The following IL20RB variants were observed in gnomAD, a reference collection of about 807,000 sequenced individuals.
The protein encoded by IL20RB is interleukin 20 receptor subunit beta.
IL20RB carries 21 observed loss-of-function variants against 33.3 expected under a neutral mutation model. That is an observed-to-expected ratio of 0.63 (90% confidence interval 0.45 to 0.91). The LOEUF (loss-of-function observed/expected upper bound fraction) is 0.91, where lower values mean the gene tolerates loss of function less well. Among genes scored for constraint, IL20RB ranks in the 40% least tolerant of loss-of-function variants. The pLI, the probability that IL20RB is intolerant of heterozygous loss-of-function variation, is 0.00. For synonymous variants in IL20RB, 147 were observed against 146.8 expected (o/e 1.00, Z -0.01); for missense variants, 345 against 384.8 (o/e 0.90, Z 0.86).
chr3:137,006,774 A>T (rs1577036183), intron 6 of IL20RB, among the ~76,000 whole-genome samples: 1 of 152,152 alleles, frequency 6.6e-6, no homozygotes, highest in African/African-American at 2.4e-5. Flanking sequence ...ACTTCTGTCA[A>T]CTCGTCAAAG....
chr3:136,985,763 A>C (rs1941883931), intron 3 of IL20RB, among the ~76,000 whole-genome samples: 1 of 152,190 alleles, frequency 6.6e-6, no homozygotes, highest in South Asian at 2.1e-4. Flanking sequence ...GTCTGGTTTA[A>C]ATGATCTGCA....
intron 1 of IL20RB, among the ~76,000 whole-genome samples, chr3:136,963,897 T>C (rs1941303558): frequency 1.3e-5 from 1 of 79,230 alleles, no homozygotes; most frequent in Admixed American, 1.4e-4. Flanking sequence ...CCTGTGTCCA[T>C]GTGATCTCAT....
intron 5 of IL20RB, among the ~76,000 whole-genome samples, chr3:136,992,739 T>G (rs1942056980): frequency 6.6e-6 from 1 of 151,920 alleles, no homozygotes; most frequent in African/African-American, 2.4e-5. Context: ...TATAGTATAT[T>G]TATTTATTTA....
chr3:136,986,915 G>C (rs1477464593), intron 3 of IL20RB: 4 of 378,192 alleles, frequency 1.1e-5, no homozygotes, highest in Middle Eastern at 9.3e-4. Flanking sequence ...AGATCTTCAC[G>C]GTGAGTGTTA....
At chr3:136,983,939 C>T (rs1296571991) in intron 3 of IL20RB, among the ~76,000 whole-genome samples, 2 of 152,104 alleles carry the variant, frequency 1.3e-5, no homozygotes, top group Non-Finnish European at 2.9e-5. Context: ...TGGGCTCAAG[C>T]GATCCTCCTG....
intron 1 of IL20RB, among the ~76,000 whole-genome samples, chr3:136,977,260 G>A (rs182373232): frequency 3.3e-5 from 5 of 152,064 alleles, no homozygotes; most frequent in African/African-American, 9.6e-5. Context: ...ATAAAATTTA[G>A]GAAAAACTTA....
chr3:136,978,834 T>C (rs376360510), intron 1 of IL20RB, among the ~76,000 whole-genome samples: 3 of 152,186 alleles, frequency 2.0e-5, no homozygotes, highest in Non-Finnish European at 4.4e-5. Flanking sequence ...TAGAGGAAAT[T>C]GCATTTTGTT....
chr3:136,988,328 G>T (rs1035424840), intron 3 of IL20RB, among the ~76,000 whole-genome samples: 2 of 152,196 alleles, frequency 1.3e-5, no homozygotes, highest in African/African-American at 4.8e-5. Flanking sequence ...TCTGTTCTTG[G>T]TCTGCTGATG....
In IL20RB at chr3:137,010,259, G is replaced by T. The variant is rs778755925; in HGVS notation, c.*36G>T. ...GGGCCCAGGTGAAGCCGAGAACCTG[G>T]TCTGCATGACATGGAAACCATGAGG... On this transcript the variant is annotated 3_prime_UTR_variant, in exon 7 of 7. Transcript: ENST00000329582. 1.0e-6 allele frequency: 1 copy of T among 966,710 alleles called. No homozygotes were observed. Among genetic ancestry groups the T allele is most frequent in the Admixed American group, 1.7e-5 (1 of 57,438 alleles). 59.9% of individuals were successfully genotyped at this position (966,710 alleles called of 1,614,324 possible).
At chr3:136,987,465 C>T (rs1471113908) in intron 3 of IL20RB, among the ~76,000 whole-genome samples, 1 of 152,150 alleles carries the variant, frequency 6.6e-6, no homozygotes, top group Non-Finnish European at 1.5e-5. Context: ...TTTACAATCC[C>T]TGAGCTAGAC....
chr3:137,007,735 G>T (rs917424603), intron 6 of IL20RB, among the ~76,000 whole-genome samples: 1 of 152,204 alleles, frequency 6.6e-6, no homozygotes, highest in Non-Finnish European at 1.5e-5. Flanking sequence ...CTGGCCCCTT[G>T]TGCTTCCCGG....
intron 6 of IL20RB, among the ~76,000 whole-genome samples, chr3:137,008,339 A>T (rs1300722468): frequency 1.3e-5 from 2 of 152,200 alleles, no homozygotes; most frequent in Non-Finnish European, 2.9e-5. Context: ...AGGGAGGGGG[A>T]TGGGGATCAT....
intron 3 of IL20RB, among the ~76,000 whole-genome samples, chr3:136,987,829 G>A (rs1273779985): frequency 2.0e-5 from 3 of 152,194 alleles, no homozygotes; most frequent in Non-Finnish European, 4.4e-5. Flanking sequence ...CCGCTGGCCC[G>A]GGTGCTAAGC....
intron 6 of IL20RB, among the ~76,000 whole-genome samples, chr3:136,996,930 A>G (rs1212102869): frequency 6.6e-6 from 1 of 152,156 alleles, no homozygotes; most frequent in Non-Finnish European, 1.5e-5. Context: ...ATAAAAGGAT[A>G]TGTATTCTGC....
At chr3:136,962,000 A>G (rs966120562) in intron 1 of IL20RB, among the ~76,000 whole-genome samples, 7 of 152,246 alleles carry the variant, frequency 4.6e-5, no homozygotes, top group African/African-American at 1.4e-4. Context: ...TGGACTTTAC[A>G]GAATAAATTA....
intron 3 of IL20RB, among the ~76,000 whole-genome samples, chr3:136,987,148 G>A (rs576785003): frequency 2.6e-5 from 4 of 151,816 alleles, no homozygotes; most frequent in East Asian, 4.1e-4. Context: ...CTGCTGGCTC[G>A]GGCAGCCTGC....
At chr3:136,959,834 AC>A (rs1357214231) in intron 1 of IL20RB, among the ~76,000 whole-genome samples, 1 of 152,168 alleles carries the variant, frequency 6.6e-6, no homozygotes, top group Non-Finnish European at 1.5e-5. Context: ...CAATCATGTA[AC>A]GTCAGTTTCC....
rs149538540 is a variant in IL20RB, at chr3:136,972,984, T to C, written c.89-7482T>C. On this transcript the variant is annotated intron_variant, in intron 1 of 6. Coordinates refer to ENST00000329582, the MANE Select transcript of IL20RB (RefSeq NM_144717.4). The stretch of plus-strand genomic sequence containing the variant: ...TTGATATATCCCACAGATTTTGCTA[T>C]GTTGTGTTCGATTTTTATTTGTTTC... Among the ~76,000 whole-genome samples the C allele has an allele frequency of 9.0e-4, 137 of 152,248 alleles. 1 individual carries two copies. The highest frequency in any genetic ancestry group is 3.2e-3 in the African/African-American group (134 of 41,556).
intron 1 of IL20RB, among the ~76,000 whole-genome samples, chr3:136,962,980 C>T (rs1278855672): frequency 6.6e-6 from 1 of 151,320 alleles, no homozygotes. Context: ...TATAATTGTG[C>T]TATGGTTATG....
Sources: allele counts gnomAD v4.1 joint callset (sites outside exome capture counted in the v4.1 genomes callset), GRCh38; gene constraint gnomAD v4.1.1; transcripts MANE v1.5; gene names NCBI Gene and HGNC (gene_info 2026-07-23, HGNC 2026-07-21).